Variants in MACROD2 observed in about 807,000 individuals in gnomAD.
MACROD2 encodes the protein mono-ADP ribosylhydrolase 2.
Under a neutral mutation model 70.4 loss-of-function variants are expected in MACROD2, and 36 were observed. That is an observed-to-expected ratio of 0.51 (90% CI 0.39 to 0.68). MACROD2 has a LOEUF of 0.68. Ranked by LOEUF, MACROD2 falls within the 30% of genes least tolerant of loss-of-function variation. The pLI, the probability that MACROD2 is intolerant of heterozygous loss-of-function variation, is 0.00. For synonymous variants in MACROD2, 172 were observed against 178.8 expected (o/e 0.96, Z 0.30); for missense variants, 496 against 538.4 (o/e 0.92, Z 0.78).
intron 5 of MACROD2, among the ~76,000 whole-genome samples, chr20:15,152,473 T>TAAGAGGTCAGGGCACGGAAATAAGGGATC (rs2076277670): frequency 6.6e-5 from 2 of 30,302 alleles, no homozygotes; most frequent in African/African-American, 1.2e-4. Context: ...AATAAGGGAT[T>TAAGAGGTCAGGGCACGGAAATAAGGGATC]GGGGCACAGA....
At chr20:15,436,506 G>A (rs2046429772) in intron 7 of MACROD2, among the ~76,000 whole-genome samples, 1 of 151,826 alleles carries the variant, frequency 6.6e-6, no homozygotes, top group African/African-American at 2.4e-5. Context: ...GCTACAGGAG[G>A]AGATTTGGGT....
intron 8 of MACROD2, among the ~76,000 whole-genome samples, chr20:15,836,371 C>T (rs1299685735): frequency 6.6e-6 from 1 of 152,170 alleles, no homozygotes; most frequent in Non-Finnish European, 1.5e-5. Flanking sequence ...CAGAAGCAAT[C>T]TCATTACAAC....
At chr20:15,815,788 G>A (rs914855676) in intron 8 of MACROD2, among the ~76,000 whole-genome samples, 1 of 152,046 alleles carries the variant, frequency 6.6e-6, no homozygotes, top group Non-Finnish European at 1.5e-5. Flanking sequence ...TTCTTCTTCT[G>A]CCAGTCAGCT....
intron 7 of MACROD2, among the ~76,000 whole-genome samples, chr20:15,445,387 A>G (rs1240644218): frequency 6.6e-6 from 1 of 152,156 alleles, no homozygotes; most frequent in Non-Finnish European, 1.5e-5. Flanking sequence ...AAGCTCCCTA[A>G]AATCTAACTA....
At chr20:14,426,701 C>T (rs557658838) in intron 3 of MACROD2, among the ~76,000 whole-genome samples, 1 of 152,082 alleles carries the variant, frequency 6.6e-6, no homozygotes, top group Non-Finnish European at 1.5e-5. Context: ...GATCAGATAT[C>T]CCAGAGAAGG....
At chr20:14,664,720 A>G (rs1671877035) in intron 4 of MACROD2, among the ~76,000 whole-genome samples, 1 of 152,112 alleles carries the variant, frequency 6.6e-6, no homozygotes, top group African/African-American at 2.4e-5. Flanking sequence ...CTATTATTTT[A>G]TCAGCATCTA....
chr20:14,703,447 C>T (rs1444555366), intron 5 of MACROD2, among the ~76,000 whole-genome samples: 1 of 152,124 alleles, frequency 6.6e-6, no homozygotes, highest in Non-Finnish European at 1.5e-5. Context: ...TCTCTATAAA[C>T]AAATGTTAGG....
At chr20:14,451,368 G>A (rs1454682862) in intron 3 of MACROD2, among the ~76,000 whole-genome samples, 1 of 152,124 alleles carries the variant, frequency 6.6e-6, no homozygotes, top group Admixed American at 6.5e-5. Flanking sequence ...AGAATTGCTT[G>A]AACCCAGGAG....
At chr20:15,947,314 G>A (rs1174831464) in intron 12 of MACROD2, among the ~76,000 whole-genome samples, 1 of 152,086 alleles carries the variant, frequency 6.6e-6, no homozygotes, top group Non-Finnish European at 1.5e-5. Context: ...TATCACATGG[G>A]GAAAAACCTT....
chr20:14,034,287 T>C (rs2053282129), intron 2 of MACROD2, among the ~76,000 whole-genome samples: 1 of 152,200 alleles, frequency 6.6e-6, no homozygotes, highest in East Asian at 1.9e-4. Context: ...ACTTCACCTA[T>C]TTTTAAAGGC....
chr20:15,518,870 C>T (rs1354508046), intron 8 of MACROD2, among the ~76,000 whole-genome samples: 2 of 152,134 alleles, frequency 1.3e-5, no homozygotes, highest in African/African-American at 2.4e-5. Context: ...TCATTCTTTT[C>T]CAGTCTGTGG....
intron 15 of MACROD2, among the ~76,000 whole-genome samples, chr20:16,028,385 A>ATTTTTT (rs11483358): frequency 6.8e-6 from 1 of 146,546 alleles, no homozygotes; most frequent in Non-Finnish European, 1.5e-5. Flanking sequence ...CCTGGTGGAC[A>ATTTTTT]TTTTTTTTTT....
At chr20:14,555,046 G>C (rs751301442) in intron 4 of MACROD2, among the ~76,000 whole-genome samples, 22 of 152,102 alleles carry the variant, frequency 1.4e-4, no homozygotes, top group Non-Finnish European at 1.9e-4. Flanking sequence ...CATACTGTTT[G>C]ATAGTACAGC....
At chr20:14,557,861 A>G (rs949838885) in intron 4 of MACROD2, among the ~76,000 whole-genome samples, 1 of 151,842 alleles carries the variant, frequency 6.6e-6, no homozygotes, top group South Asian at 2.1e-4. Flanking sequence ...TTAGCTGGCA[A>G]TTCTACTCAT....
chr20:14,679,289 A>T (rs1193728356), intron 4 of MACROD2, among the ~76,000 whole-genome samples: 1 of 152,202 alleles, frequency 6.6e-6, no homozygotes, highest in Admixed American at 6.5e-5. Flanking sequence ...GAAAAATGGG[A>T]AAGACCTCGC....
intron 8 of MACROD2, among the ~76,000 whole-genome samples, chr20:15,521,377 G>T (rs2047650936): frequency 6.6e-6 from 1 of 152,062 alleles, no homozygotes; most frequent in South Asian, 2.1e-4. Context: ...ATTCTGTCTG[G>T]GACTGCTGTG....
intron 5 of MACROD2, among the ~76,000 whole-genome samples, chr20:14,803,428 A>G (rs1310690315): frequency 2.0e-5 from 3 of 152,042 alleles, no homozygotes; most frequent in Non-Finnish European, 4.4e-5. Flanking sequence ...ACTATGTGTA[A>G]ATTAAATCAC....
chr20:14,043,958 T>C (rs1023500367), intron 2 of MACROD2, among the ~76,000 whole-genome samples: 2 of 152,242 alleles, frequency 1.3e-5, no homozygotes, highest in African/African-American at 4.8e-5. Flanking sequence ...TTCTTCACGA[T>C]AAGGCTTCAG....
intron 3 of MACROD2, among the ~76,000 whole-genome samples, chr20:14,419,352 C>G (rs2083849712): frequency 6.6e-6 from 1 of 152,182 alleles, no homozygotes; most frequent in South Asian, 2.1e-4. Flanking sequence ...CTATGCCCAG[C>G]TAGGATCTTT....
Sources: gnomAD v4.1 joint callset for allele counts (sites outside exome capture counted in the v4.1 genomes callset) on GRCh38, gnomAD v4.1.1 for gene constraint, MANE v1.5 for transcripts, NCBI Gene and HGNC (gene_info 2026-07-23, HGNC 2026-07-21) for gene names.